The following ANKFN1 variants were observed in gnomAD, a reference collection of about 807,000 sequenced individuals.
The protein encoded by ANKFN1 is ankyrin repeat and fibronectin type III domain containing 1.
A neutral mutation model predicts 108.7 loss-of-function variants in ANKFN1; 74 were observed. That is an observed-to-expected ratio of 0.68 (90% confidence interval 0.56 to 0.83). The LOEUF is 0.83. Among genes scored for constraint, ANKFN1 ranks in the 40% least tolerant of loss-of-function variants. ANKFN1 has a pLI of 0.00. For synonymous variants in ANKFN1, 547 were observed against 516.2 expected (o/e 1.06, Z -0.81); for missense variants, 1,505 against 1,382.3 (o/e 1.09, Z -1.41).
At chr17:56,252,309 G>C (rs185064739) in intron 3 of ANKFN1, 1 of 152,154 alleles carries the variant, frequency 6.6e-6, no homozygotes, top group Admixed American at 6.5e-5. Context: ...AGAATTCTTG[G>C]TAATATGCTC....
chr17:56,411,839 C>T (rs926675107), intron 8 of ANKFN1, among the ~76,000 whole-genome samples: 1 of 152,050 alleles, frequency 6.6e-6, no homozygotes, highest in African/African-American at 2.4e-5. Flanking sequence ...GAATGAATCC[C>T]ACTTCATCAT....
At chr17:56,060,063 G>A (rs890010041) in intron 4 of ANKFN1, among the ~76,000 whole-genome samples, 1 of 152,036 alleles carries the variant, frequency 6.6e-6, no homozygotes, top group African/African-American at 2.4e-5. Flanking sequence ...TATCCATGAG[G>A]ATGGAATGTT....
At chr17:56,117,295 T>C (rs1006038203) in intron 4 of ANKFN1, among the ~76,000 whole-genome samples, 1 of 152,180 alleles carries the variant, frequency 6.6e-6, no homozygotes, top group Non-Finnish European at 1.5e-5. Context: ...AGTATTGACT[T>C]TTGCTCAGTA....
chr17:56,161,384 T>C (rs1909641771), intron 1 of ANKFN1, among the ~76,000 whole-genome samples: 1 of 152,204 alleles, frequency 6.6e-6, no homozygotes, highest in South Asian at 2.1e-4. Flanking sequence ...AAGATAGTCA[T>C]TATTTCCATT....
chr17:56,429,703 G>C (rs1411042248), intron 8 of ANKFN1, among the ~76,000 whole-genome samples: 1 of 152,134 alleles, frequency 6.6e-6, no homozygotes, highest in African/African-American at 2.4e-5. Flanking sequence ...TATTGTGATA[G>C]GATTTATGCT....
intron 3 of ANKFN1, among the ~76,000 whole-genome samples, chr17:56,271,785 C>A (rs1356945759): frequency 6.6e-6 from 1 of 152,174 alleles, no homozygotes; most frequent in Non-Finnish European, 1.5e-5. Flanking sequence ...GAGATTGCAT[C>A]CGGGGCTGGG....
chr17:56,179,374 T>C (rs879037805), intron 1 of ANKFN1, among the ~76,000 whole-genome samples: 2 of 152,208 alleles, frequency 1.3e-5, no homozygotes, highest in African/African-American at 4.8e-5. Context: ...CAGTCATCAT[T>C]GCTCTTTTGG....
intron 1 of ANKFN1, among the ~76,000 whole-genome samples, chr17:56,167,226 T>C (rs1161665702): frequency 1.4e-5 from 2 of 148,040 alleles, no homozygotes; most frequent in Non-Finnish European, 3.0e-5. Flanking sequence ...TTCATATGTG[T>C]GTGCATAGAT....
intron 4 of ANKFN1, among the ~76,000 whole-genome samples, chr17:56,095,062 C>T (rs1905508412): frequency 6.6e-6 from 1 of 150,946 alleles, no homozygotes. Context: ...CTAGTATAAG[C>T]TTGTGGAAAC....
chr17:56,047,518 G>A (rs1443472650), intron 4 of ANKFN1, among the ~76,000 whole-genome samples: 1 of 152,016 alleles, frequency 6.6e-6, no homozygotes, highest in East Asian at 1.9e-4. Flanking sequence ...ACAACTGAAT[G>A]CTGTTATGTG....
At chr17:56,285,512 T>C (rs1311132825) in intron 3 of ANKFN1, among the ~76,000 whole-genome samples, 1 of 152,184 alleles carries the variant, frequency 6.6e-6, no homozygotes. Flanking sequence ...TGGATGTAGA[T>C]GCAATTCACC....
intron 8 of ANKFN1, among the ~76,000 whole-genome samples, chr17:56,390,474 T>G (rs1045139191): frequency 2.0e-5 from 3 of 152,200 alleles, no homozygotes; most frequent in Middle Eastern, 3.2e-3. Context: ...TGGTTCCAAG[T>G]CTTTGCTATT....
upstream of ANKFN1, among the ~76,000 whole-genome samples, chr17:56,149,047 A>C (rs1908437873): frequency 6.6e-6 from 1 of 152,146 alleles, no homozygotes; most frequent in Admixed American, 6.5e-5. Context: ...CAAGACATAA[A>C]CTTGGGTCTG....
Position 56,499,039 on chromosome 17 carries a change from T to C in ANKFN1, c.2585T>C (p.Ile862Thr), listed in dbSNP as rs1380237437. The part of the protein sequence containing the change: ...KKINSTSSSH[I>T]DCLPSPPPSP... The stretch of plus-strand genomic sequence containing the variant: ...ATCAATTCTACATCATCATCACATA[T>C]AGACTGTCTTCCATCCCCACCCCCA... Residue 862 changes from isoleucine to threonine, a missense_variant, in exon 20 of 21, where the codon ATA becomes ACA. By Grantham distance (89) the Ile-to-Thr change is moderately conservative (BLOSUM62 -1). Transcript: ENST00000682825. The C allele has an allele frequency of 3.3e-6, 5 of 1,535,556 alleles. No homozygotes were observed. Among genetic ancestry groups the C allele is most frequent in the Non-Finnish European group, 4.4e-6 (5 of 1,146,650 alleles).
chr17:56,417,212 G>A (rs2048267246), intron 8 of ANKFN1, among the ~76,000 whole-genome samples: 2 of 152,116 alleles, frequency 1.3e-5, no homozygotes, highest in African/African-American at 4.8e-5. Context: ...AAATAACTAA[G>A]AGTATAATTG....
intron 16 of ANKFN1, among the ~76,000 whole-genome samples, chr17:56,478,754 T>C (rs1395456804): frequency 6.6e-6 from 1 of 152,074 alleles, no homozygotes; most frequent in Non-Finnish European, 1.5e-5. Flanking sequence ...TATCCAGAAT[T>C]CTTCAGACCT....
intron 3 of ANKFN1, among the ~76,000 whole-genome samples, chr17:56,277,165 T>A (rs951139223): frequency 2.6e-5 from 4 of 152,230 alleles, no homozygotes; most frequent in Non-Finnish European, 5.9e-5. Flanking sequence ...TATGTCCAGC[T>A]TCTGTTAATT....
At chr17:56,352,532 C>A (rs1406161772) in intron 5 of ANKFN1, among the ~76,000 whole-genome samples, 1 of 152,190 alleles carries the variant, frequency 6.6e-6, no homozygotes, top group Admixed American at 6.5e-5. Context: ...GGTCTTCTCC[C>A]ATGTGCTAAG....
chr17:56,482,284 C>T, intron 17 of ANKFN1, 72 bp from the exon 18 acceptor site: 2 of 1,325,370 alleles, frequency 1.5e-6, no homozygotes, highest in Non-Finnish European at 1.0e-6. Context: ...TGTTTTATGC[C>T]AGTTTGGTGT....
Sources: allele counts gnomAD v4.1 joint callset (sites outside exome capture counted in the v4.1 genomes callset), GRCh38; gene constraint gnomAD v4.1.1; transcripts MANE v1.5; gene names NCBI Gene and HGNC (gene_info 2026-07-23, HGNC 2026-07-21).